RTKN2: variants seen among roughly 807,000 people sequenced by gnomAD.
RTKN2 encodes rhotekin 2, also known as rhotekin-2.
Under a neutral mutation model 71.5 loss-of-function variants are expected in RTKN2, and 69 were observed. The observed-to-expected ratio is 0.96, with a 90% CI of 0.79 to 1.18. The LOEUF (loss-of-function observed/expected upper bound fraction) is 1.18. RTKN2 is among the 50% of genes most tolerant of loss of function. The pLI, the probability that RTKN2 is intolerant of heterozygous loss-of-function variation, is 0.00. For synonymous variants in RTKN2, 236 were observed against 236.5 expected (o/e 1.00, Z 0.02); for missense variants, 724 against 719.7 (o/e 1.01, Z -0.07).
At chr10:62,202,564 T>G (rs565290212) in intron 10 of RTKN2, among the ~76,000 whole-genome samples, 10 of 152,240 alleles carry the variant, frequency 6.6e-5, no homozygotes, top group Non-Finnish European at 1.0e-4. Context: ...GAAGTATAAA[T>G]GTAATAGAAT....
chr10:62,251,897 T>G (rs1842588554), intron 2 of RTKN2, among the ~76,000 whole-genome samples: 2 of 151,298 alleles, frequency 1.3e-5, no homozygotes, highest in African/African-American at 4.9e-5. Context: ...GAAGCAAAAG[T>G]ACACAAAGAG....
At chr10:62,250,966 G>A (rs1842569521) in intron 2 of RTKN2, among the ~76,000 whole-genome samples, 1 of 152,162 alleles carries the variant, frequency 6.6e-6, no homozygotes, top group Non-Finnish European at 1.5e-5. Flanking sequence ...ACACCATTCT[G>A]AGTAGTGTAA....
intron 2 of RTKN2, among the ~76,000 whole-genome samples, chr10:62,255,927 G>A (rs538999366): frequency 4.9e-4 from 74 of 152,040 alleles, no homozygotes; most frequent in African/African-American, 1.6e-3. Flanking sequence ...CAAAAACACA[G>A]AATATGAGAA....
In RTKN2 at chr10:62,197,786, G is replaced by A. The variant is rs1841357964; in HGVS notation, c.*122C>T. On this transcript the variant is annotated 3_prime_UTR_variant, in exon 12 of 12. Coordinates refer to ENST00000373789, the MANE Select transcript of RTKN2 (RefSeq NM_145307.4). Reference sequence around the variant, plus strand: ...ATAAAATGTTTTTCTATACCTAATAGCTTATTAATTATTGGTATAAATCAC... The same window carrying A: ...ATAAAATGTTTTTCTATACCTAATAACTTATTAATTATTGGTATAAATCAC... 25 of 1,428,218 alleles carry A rather than the reference G, an allele frequency of 1.8e-5. No individual in the cohort carries two copies. The highest frequency in any genetic ancestry group is 2.3e-5 in the Non-Finnish European group (25 of 1,091,024). 88.5% of individuals were successfully genotyped at this position (1,428,218 alleles called of 1,614,324 possible). A position where few individuals can be genotyped will look rare whatever the true frequency, so the allele number is the denominator to read the frequency against.
In RTKN2 at chr10:62,194,077, TA is replaced by T; in HGVS notation, c.*3830del. 1 of 980,888 alleles carries T rather than the reference TA, an allele frequency of 1.0e-6. No homozygotes were observed. Among genetic ancestry groups the T allele is most frequent in the Non-Finnish European group, 1.2e-6 (1 of 825,852 alleles). 60.8% of individuals were successfully genotyped at this position (980,888 alleles called of 1,614,324 possible). Reference sequence around the variant, plus strand: ...CGCTTACCAAATACCTTTGGTACTTTAAAAAATGTATGTCCATGATATAATA... The same window carrying T: ...CGCTTACCAAATACCTTTGGTACTTTAAAAATGTATGTCCATGATATAATA... On this transcript the variant is annotated 3_prime_UTR_variant, in exon 12 of 12. Coordinates refer to ENST00000373789, the MANE Select transcript of RTKN2 (RefSeq NM_145307.4).
At chr10:62,228,384 C>G (rs1167483386) in intron 6 of RTKN2, among the ~76,000 whole-genome samples, 2 of 152,076 alleles carry the variant, frequency 1.3e-5, no homozygotes, top group Non-Finnish European at 2.9e-5. Context: ...AAGAGGAACT[C>G]CAATAACTGA....
intron 2 of RTKN2, among the ~76,000 whole-genome samples, chr10:62,246,268 A>C (rs1842477647): frequency 6.6e-6 from 1 of 152,110 alleles, no homozygotes; most frequent in Non-Finnish European, 1.5e-5. Context: ...CCGATTTTTC[A>C]TATAAACTTT....
intron 2 of RTKN2, among the ~76,000 whole-genome samples, chr10:62,261,819 G>A (rs913142211): frequency 6.6e-6 from 1 of 152,048 alleles, no homozygotes. Flanking sequence ...ATTTAATGAT[G>A]CTATGCTGAG....
chr10:62,208,942 C>T (rs1841602849), intron 9 of RTKN2, among the ~76,000 whole-genome samples: 1 of 152,054 alleles, frequency 6.6e-6, no homozygotes, highest in Admixed American at 6.6e-5. Flanking sequence ...TCTTACTAAC[C>T]AACCAACAAA....
In RTKN2 at chr10:62,193,710, C is replaced by G; in HGVS notation, c.*4198G>C. ...TTGTGGCTAGTAGCGACTGAATATC[C>G]TACGTACCTAATTTACTGCAGTGGC... On this transcript the variant is annotated 3_prime_UTR_variant, in exon 12 of 12. Coordinates refer to ENST00000373789, the MANE Select transcript of RTKN2 (RefSeq NM_145307.4). 1 of 985,178 alleles carries G rather than the reference C, an allele frequency of 1.0e-6. No homozygotes were observed. Among genetic ancestry groups the G allele is most frequent in the Non-Finnish European group, 1.2e-6 (1 of 829,756 alleles). 61.0% of individuals were successfully genotyped at this position (985,178 alleles called of 1,614,324 possible). A position where few individuals can be genotyped will look rare whatever the true frequency, so the allele number is the denominator to read the frequency against.
intron 6 of RTKN2, among the ~76,000 whole-genome samples, chr10:62,228,972 A>G (rs1228826809): frequency 6.6e-6 from 1 of 152,208 alleles, no homozygotes; most frequent in Admixed American, 6.5e-5. Flanking sequence ...GGTAAAGTAG[A>G]AGACTATAGA....
At chr10:62,204,793 T>C (rs1841513591) in intron 10 of RTKN2, 64 bp downstream of exon 10, 8 of 1,250,198 alleles carry the variant, frequency 6.4e-6, no homozygotes, top group Non-Finnish European at 7.6e-6. Flanking sequence ...AATTTTAAGA[T>C]TGCTGTGCAC....
Position 62,195,772 on chromosome 10 carries a change from G to T in RTKN2, c.*2136C>A. 5.1e-6 allele frequency: 5 copies of T among 985,418 alleles called. No individual in the cohort carries two copies. The highest frequency in any genetic ancestry group is 4.8e-6 in the Non-Finnish European group (4 of 829,954). 61.0% of individuals were successfully genotyped at this position (985,418 alleles called of 1,614,324 possible). A position where few individuals can be genotyped will look rare whatever the true frequency, so the allele number is the denominator to read the frequency against. ...CCATTTCAAAGACTTGTAACATACA[G>T]TAAGCTGGGCCCCCCAGAAAGAGAC... is the stretch of plus-strand genomic sequence containing the variant. On this transcript the variant is annotated 3_prime_UTR_variant, in exon 12 of 12. Coordinates refer to ENST00000373789, the MANE Select transcript of RTKN2 (RefSeq NM_145307.4).
chr10:62,200,012 A>G, intron 10 of RTKN2, 151 bp from the exon 11 acceptor site: 1 of 547,590 alleles, frequency 1.8e-6, no homozygotes, highest in Non-Finnish European at 3.2e-6. Flanking sequence ...TTGCAGAAAA[A>G]CCTAATACTA....
chr10:62,251,561 T>A (rs1388467914), intron 2 of RTKN2, among the ~76,000 whole-genome samples: 3 of 152,166 alleles, frequency 2.0e-5, no homozygotes, highest in Non-Finnish European at 2.9e-5. Flanking sequence ...CAATTACCCA[T>A]AGAAAACTAC....
At chr10:62,249,481 C>T (rs543264182) in intron 2 of RTKN2, among the ~76,000 whole-genome samples, 10 of 151,168 alleles carry the variant, frequency 6.6e-5, no homozygotes, top group Non-Finnish European at 1.3e-4. Context: ...GGGGGTGGGG[C>T]GTCTACTTTG....
chr10:62,199,878 A>G lies in RTKN2; in HGVS notation c.1187-17T>C. 6.9e-7 allele frequency: 1 copy of G among 1,457,224 alleles called. No individual in the cohort carries two copies. Among genetic ancestry groups the G allele is most frequent in the Non-Finnish European group, 9.6e-7 (1 of 1,041,226 alleles). The allele number at this position is 1,457,224 out of a possible 1,614,324, so 90.3% of individuals were successfully genotyped here. On this transcript the variant is annotated splice_polypyrimidine_tract_variant and intron_variant, in intron 10 of 11. Transcript: ENST00000373789. ...TCCATTGGCCTAAGACAGACAGAAA[A>G]AAGGTAGACTAGTTTAAAACATAAA...
At chr10:62,247,988 T>C (rs1042771936) in intron 2 of RTKN2, among the ~76,000 whole-genome samples, 1 of 152,092 alleles carries the variant, frequency 6.6e-6, no homozygotes. Flanking sequence ...TGGATTAAAT[T>C]TGAGGCTTTG....
At chr10:62,266,224 G>A (rs993704456) in intron 1 of RTKN2, among the ~76,000 whole-genome samples, 1 of 152,130 alleles carries the variant, frequency 6.6e-6, no homozygotes, top group Non-Finnish European at 1.5e-5. Context: ...AGGTTAAGTA[G>A]GAAACAGAAA....
Sources: allele counts gnomAD v4.1 joint callset (sites outside exome capture counted in the v4.1 genomes callset), GRCh38; gene constraint gnomAD v4.1.1; transcripts MANE v1.5; gene names NCBI Gene and HGNC (gene_info 2026-07-23, HGNC 2026-07-21).